The following PRKAG2 variants were observed in gnomAD, a reference collection of about 807,000 sequenced individuals.
The protein encoded by PRKAG2 is 5'-AMP-activated protein kinase subunit gamma-2.
In PRKAG2, 26 loss-of-function variants were observed where a neutral mutation model predicts 69.6. The observed-to-expected ratio is 0.37, with a 90% CI of 0.27 to 0.52. PRKAG2 has a LOEUF of 0.52. Ranked by LOEUF, PRKAG2 falls within the 20% of genes least tolerant of loss-of-function variation. PRKAG2 has a pLI of 0.90. For missense variants in PRKAG2, 557 were observed against 740.0 expected (o/e 0.75, Z 2.87); for synonymous variants, 293 against 285.0 (o/e 1.03, Z -0.28).
At chr7:151,729,526 G>A (rs973002028) in intron 3 of PRKAG2, among the ~76,000 whole-genome samples, 8 of 152,046 alleles carry the variant, frequency 5.3e-5, no homozygotes, top group Admixed American at 1.3e-4. Context: ...AGCTCTGTCC[G>A]CACTCCACTT....
At position 151,632,685 on chromosome 7, in the gene PRKAG2, G is replaced by C. The variant is rs991684748; in HGVS notation, c.685-547C>G. Reference sequence around the variant, plus strand: ...GCAGAACGCCCCGGGGCGCCAGCTAGGGGATCCTTTCTCGCTTTCCTCTTC... The same window carrying C: ...GCAGAACGCCCCGGGGCGCCAGCTACGGGATCCTTTCTCGCTTTCCTCTTC... On this transcript the variant is annotated intron_variant, in intron 4 of 15. Coordinates refer to ENST00000287878, the MANE Select transcript of PRKAG2 (RefSeq NM_016203.4). This position sits in a 1 kb window ranked among gnomAD's most constrained non-coding sequence, Gnocchi z 4.2. 1.2e-6 allele frequency: 1 copy of C among 814,146 alleles called. No homozygotes were observed. Among genetic ancestry groups the C allele is most frequent in the African/African-American group, 1.9e-5 (1 of 54,040 alleles). 50.4% of individuals were successfully genotyped at this position (814,146 alleles called of 1,614,324 possible). A position where few individuals can be genotyped will look rare whatever the true frequency, so the allele number is the denominator to read the frequency against.
At position 151,741,849 on chromosome 7, in the gene PRKAG2, T is replaced by A. The variant is rs1014787047; in HGVS notation, c.466+39303A>T. 3.3e-5 allele frequency among the ~76,000 whole-genome samples: 5 copies of A among 152,172 alleles called. No individual in the cohort carries two copies. The East Asian group carries it at 9.6e-4, about 29-fold the overall frequency. On this transcript the variant is annotated intron_variant, in intron 3 of 15. Coordinates refer to ENST00000287878, the MANE Select transcript of PRKAG2 (RefSeq NM_016203.4). ...CTCTAGTAAGCGTGCAGGGCAGTTGTTGATTGAAGGGATGAGGTGCTACAA... is the reference window on the plus strand; with the variant it reads ...CTCTAGTAAGCGTGCAGGGCAGTTGATGATTGAAGGGATGAGGTGCTACAA...
intron 3 of PRKAG2, chr7:151,736,476 G>A (rs576992803): frequency 1.8e-4 from 152 of 863,868 alleles, no homozygotes; most frequent in Non-Finnish European, 2.1e-4. Context: ...ATGTGCAGCC[G>A]TGCATGATGT....
At chr7:151,773,040 AGAGAGAGAGAGAGGGAGGGAGGG>A in intron 3 of PRKAG2, among the ~76,000 whole-genome samples, 1 of 34,672 alleles carries the variant, frequency 2.9e-5, no homozygotes, top group African/African-American at 1.1e-4. Context: ...AGAGAGAGAG[AGAGAGAGAGAGAGGGAGGGAGGG>A]AGGGAGGGAG....
rs567718215 is a variant in PRKAG2 at position 151,736,002 on chromosome 7, G to A, written c.466+45150C>T. 917 of 1,536,218 alleles carry A rather than the reference G, an allele frequency of 6.0e-4. 4 individuals are homozygous for A. In the African/African-American group the frequency reaches 0.011, roughly 19 times the overall value. On this transcript the variant is annotated intron_variant, in intron 3 of 15. Coordinates refer to ENST00000287878, the MANE Select transcript of PRKAG2 (RefSeq NM_016203.4). ...CTCCCAAAGCGCTTCATGGGTAGCTGTGGCCACAGGAGTGGCGACAGGTGA... is the reference window on the plus strand; with the variant it reads ...CTCCCAAAGCGCTTCATGGGTAGCTATGGCCACAGGAGTGGCGACAGGTGA...
chr7:151,762,625 C>T (rs1166043248), intron 3 of PRKAG2, among the ~76,000 whole-genome samples: 3 of 152,168 alleles, frequency 2.0e-5, no homozygotes, highest in Non-Finnish European at 4.4e-5. Flanking sequence ...GACTAGCCCA[C>T]GCACATCGAC....
At chr7:151,584,673 G>A (rs1811231920) in intron 6 of PRKAG2, among the ~76,000 whole-genome samples, 1 of 152,214 alleles carries the variant, frequency 6.6e-6, no homozygotes, top group African/African-American at 2.4e-5. Flanking sequence ...CAGCGCTGAG[G>A]ATCGCTTGAG....
In PRKAG2 at chr7:151,814,666, C is replaced by T. The variant is rs950056576; in HGVS notation, c.115-28125G>A. 4 of 1,231,828 alleles carry T rather than the reference C, an allele frequency of 3.2e-6. No individual in the cohort carries two copies. Among genetic ancestry groups the T allele is most frequent in the Non-Finnish European group, 4.0e-6 (4 of 988,016 alleles). 76.3% of individuals were successfully genotyped at this position (1,231,828 alleles called of 1,614,324 possible). ...TGTCTGCAACAGATGGGGACCGGGG[C>T]TGGGTGTGTTCCCAGTCCCCAAGGC... On this transcript the variant is annotated intron_variant, in intron 1 of 15. Coordinates refer to ENST00000287878, the MANE Select transcript of PRKAG2 (RefSeq NM_016203.4). This position sits in a 1 kb window ranked among gnomAD's most constrained non-coding sequence, Gnocchi z 4.8.
rs1363659317 is a variant in PRKAG2, at chr7:151,850,891, A to G, written c.114+25616T>C. Reference sequence around the variant, plus strand: ...AAGCCGAGTCTGACAACACGGAATAAGAAGTCCTCGATGAGCCGCCGCAAT... The same window carrying G: ...AAGCCGAGTCTGACAACACGGAATAGGAAGTCCTCGATGAGCCGCCGCAAT... On this transcript the variant is annotated intron_variant, in intron 1 of 15. Coordinates refer to ENST00000287878, the MANE Select transcript of PRKAG2 (RefSeq NM_016203.4). The surrounding 1 kb of genome is among the most constrained non-coding windows in gnomAD (Gnocchi z 4.1). 6.6e-6 allele frequency among the ~76,000 whole-genome samples: 1 copy of G among 152,208 alleles called. No individual in the cohort carries two copies. The highest frequency in any genetic ancestry group is 1.9e-4 in the East Asian group (1 of 5,192).
intron 1 of PRKAG2, among the ~76,000 whole-genome samples, chr7:151,796,235 G>T (rs962508390): frequency 5.3e-5 from 8 of 152,034 alleles, no homozygotes; most frequent in Non-Finnish European, 8.8e-5. Flanking sequence ...GGATGGGTCT[G>T]CTCAGTCATC....
At chr7:151,661,635 A>C (rs1830339192) in intron 4 of PRKAG2, among the ~76,000 whole-genome samples, 1 of 152,220 alleles carries the variant, frequency 6.6e-6, no homozygotes, top group African/African-American at 2.4e-5. Context: ...CTTACTCAGG[A>C]CTTAGAATAA....
intron 5 of PRKAG2, among the ~76,000 whole-genome samples, chr7:151,610,286 G>A (rs150595827): frequency 0.012 from 1,854 of 152,222 alleles, 26 homozygotes; most frequent in African/African-American, 0.042. Flanking sequence ...GGAGAATGGC[G>A]TCAACCTGGG....
intron 3 of PRKAG2, among the ~76,000 whole-genome samples, chr7:151,743,710 G>T (rs539179503): frequency 4.6e-5 from 7 of 152,252 alleles, no homozygotes; most frequent in African/African-American, 1.7e-4. Flanking sequence ...GGAGCAGCAT[G>T]ATGGGTCAGG....
intron 14 of PRKAG2, among the ~76,000 whole-genome samples, chr7:151,561,605 C>A (rs1272378297): frequency 2.0e-5 from 3 of 152,232 alleles, no homozygotes; most frequent in African/African-American, 7.2e-5. Context: ...GGCCTTTCAC[C>A]CGCAGGAAGG....
intron 4 of PRKAG2, among the ~76,000 whole-genome samples, chr7:151,639,284 A>T (rs1826268130): frequency 6.6e-6 from 1 of 152,080 alleles, no homozygotes; most frequent in Non-Finnish European, 1.5e-5. Flanking sequence ...CCATTTTCTC[A>T]GGGTTGGCCA....
chr7:151,681,670 T>C (rs1488778492), intron 3 of PRKAG2, among the ~76,000 whole-genome samples: 1 of 152,004 alleles, frequency 6.6e-6, no homozygotes, highest in African/African-American at 2.4e-5. Flanking sequence ...ATGAAGAAAC[T>C]GGTAGCTGGA....
chr7:151,736,819 C>T (rs1799882873), intron 3 of PRKAG2, among the ~76,000 whole-genome samples: 1 of 152,176 alleles, frequency 6.6e-6, no homozygotes, highest in Non-Finnish European at 1.5e-5. Flanking sequence ...CTGAGAATTG[C>T]AGCATGACAG....
At chr7:151,685,250 C>T (rs1239329806) in intron 3 of PRKAG2, among the ~76,000 whole-genome samples, 1 of 152,160 alleles carries the variant, frequency 6.6e-6, no homozygotes. Flanking sequence ...TATTCTACCT[C>T]CCACAGCCCC....
At chr7:151,839,929 C>A (rs1563744507) in intron 1 of PRKAG2, among the ~76,000 whole-genome samples, 1 of 152,108 alleles carries the variant, frequency 6.6e-6, no homozygotes. Flanking sequence ...CCCTGGGAGG[C>A]CACACCTGTA....
Sources: allele counts gnomAD v4.1 joint callset (sites outside exome capture counted in the v4.1 genomes callset), GRCh38; gene constraint gnomAD v4.1.1; non-coding constraint Gnocchi (gnomAD v3.1); transcripts MANE v1.5; gene names NCBI Gene and HGNC (gene_info 2026-07-23, HGNC 2026-07-21).